Variants in RBFOX1 observed in about 807,000 individuals in gnomAD.
RBFOX1 encodes the protein RNA binding fox-1 homolog 1, also known as RNA binding protein fox-1 homolog 1.
Under a neutral mutation model 57.7 loss-of-function variants are expected in RBFOX1, and 8 were observed. The observed-to-expected ratio is 0.14, with a 90% confidence interval of 0.08 to 0.25. RBFOX1 has a LOEUF of 0.25. RBFOX1 is among the 10% of genes least tolerant of loss of function. The pLI is 1.00. For missense variants in RBFOX1, 611 were observed against 548.5 expected (o/e 1.11, Z -1.14); for synonymous variants, 326 against 222.4 (o/e 1.47, Z -4.15).
intron 3 of RBFOX1, among the ~76,000 whole-genome samples, chr16:5,865,072 G>C (rs2057315449): frequency 6.6e-6 from 1 of 152,146 alleles, no homozygotes; most frequent in African/African-American, 2.4e-5. Flanking sequence ...ATGACACAAG[G>C]TTAGGAAACA....
intron 4 of RBFOX1, among the ~76,000 whole-genome samples, chr16:7,182,967 C>T (rs1444783131): frequency 1.3e-5 from 2 of 152,184 alleles, no homozygotes; most frequent in South Asian, 2.1e-4. Context: ...CACCTTCCCA[C>T]ACTGGAATCT....
chr16:6,785,947 A>T lies in RBFOX1; in HGVS notation c.-16+131297A>T, dbSNP rs1178676235. Reference sequence around the variant, plus strand: ...GAGGAACCTTGTGTACATGCATGTGACTTCCCAGGTGGCACTTACCAACAG... The same window carrying T: ...GAGGAACCTTGTGTACATGCATGTGTCTTCCCAGGTGGCACTTACCAACAG... On this transcript the variant is annotated intron_variant, in intron 3 of 15. Coordinates refer to ENST00000550418, the MANE Select transcript of RBFOX1 (RefSeq NM_018723.4). Among the ~76,000 whole-genome samples, 6 of 152,324 alleles carry T rather than the reference A, an allele frequency of 3.9e-5. No homozygotes were observed. The South Asian group carries it at 6.2e-4, about 16-fold the overall frequency.
chr16:7,396,833 C>G (rs1422939547), intron 4 of RBFOX1, among the ~76,000 whole-genome samples: 2 of 152,082 alleles, frequency 1.3e-5, no homozygotes, highest in African/African-American at 2.4e-5. Flanking sequence ...CCCAGCTACT[C>G]TGGAGGCTGA....
chr16:6,642,731 C>G (rs557177061), intron 2 of RBFOX1, among the ~76,000 whole-genome samples: 1 of 152,066 alleles, frequency 6.6e-6, no homozygotes, highest in South Asian at 2.1e-4. Context: ...GGTTGGGGAT[C>G]GTTTTGTAGT....
intron 4 of RBFOX1, among the ~76,000 whole-genome samples, chr16:7,352,432 C>G (rs1013951933): frequency 3.9e-5 from 6 of 152,164 alleles, no homozygotes; most frequent in Non-Finnish European, 8.8e-5. Flanking sequence ...GAATGCGTAG[C>G]TATTGCCTTA....
chr16:7,132,093 G>C (rs973910576), intron 4 of RBFOX1, among the ~76,000 whole-genome samples: 1 of 149,312 alleles, frequency 6.7e-6, no homozygotes, highest in South Asian at 2.2e-4. Context: ...CCGGGCTGAA[G>C]CAATTCTCCT....
In RBFOX1 at chr16:7,555,697, A is replaced by G. The variant is rs985073701; in HGVS notation, c.271-24080A>G. Among the ~76,000 whole-genome samples the G allele has an allele frequency of 3.3e-5, 5 of 152,026 alleles. No homozygotes were observed. The East Asian group carries it at 9.7e-4, about 29-fold the overall frequency. On this transcript the variant is annotated intron_variant, in intron 5 of 15. Transcript: ENST00000550418. Reference sequence around the variant, plus strand: ...CACTTTCTCACCGCAGGACCTTTGCACTGGCTGTGTCTGGGACTGGGCTAT... The same window carrying G: ...CACTTTCTCACCGCAGGACCTTTGCGCTGGCTGTGTCTGGGACTGGGCTAT...
intron 3 of RBFOX1, among the ~76,000 whole-genome samples, chr16:6,868,613 A>G (rs1393641746): frequency 1.3e-5 from 2 of 152,052 alleles, no homozygotes; most frequent in African/African-American, 4.8e-5. Context: ...CTGGGATTAT[A>G]GGCACACACC....
chr16:7,411,902 CAAAAAAA>C (rs60700135), intron 4 of RBFOX1, among the ~76,000 whole-genome samples: 12 of 95,410 alleles, frequency 1.3e-4, no homozygotes, highest in South Asian at 4.1e-4. Context: ...AAACTCCTTT[CAAAAAAA>C]AAAAAAAAAA....
chr16:6,773,002 A>ATGTGTGTGTGTGTGTG (rs138195500), intron 3 of RBFOX1, among the ~76,000 whole-genome samples: 1 of 73,678 alleles, frequency 1.4e-5, no homozygotes, highest in African/African-American at 4.4e-5. Flanking sequence ...TGGGGTGCAT[A>ATGTGTGTGTGTGTGTG]TGTGTGTGTG....
At chr16:7,064,130 G>A (rs964206048) in intron 4 of RBFOX1, among the ~76,000 whole-genome samples, 2 of 150,196 alleles carry the variant, frequency 1.3e-5, no homozygotes, top group South Asian at 4.2e-4. Flanking sequence ...GAGTCCATAA[G>A]CGTGGGCCCT....
chr16:5,359,687 G>A (rs1241371708), intron 1 of RBFOX1, among the ~76,000 whole-genome samples: 1 of 151,760 alleles, frequency 6.6e-6, no homozygotes, highest in Non-Finnish European at 1.5e-5. Flanking sequence ...TGAGTCGTTT[G>A]AGCTTCTTTG....
intron 2 of RBFOX1, among the ~76,000 whole-genome samples, chr16:6,530,749 TC>T (rs1469013156): frequency 4.9e-5 from 2 of 40,842 alleles, no homozygotes; most frequent in Non-Finnish European, 3.3e-4. Flanking sequence ...TTATAAACCG[TC>T]CCTTCCCCAC....
At chr16:5,517,656 G>C (rs1238778128) in intron 2 of RBFOX1, among the ~76,000 whole-genome samples, 1 of 152,116 alleles carries the variant, frequency 6.6e-6, no homozygotes, top group East Asian at 1.9e-4. Context: ...CAAATAGATT[G>C]GGCTTTCTAC....
intron 4 of RBFOX1, among the ~76,000 whole-genome samples, chr16:7,064,474 G>T (rs2055429523): frequency 6.6e-6 from 1 of 151,982 alleles, no homozygotes; most frequent in South Asian, 2.1e-4. Context: ...TGGCTGGGTG[G>T]TGTTCTTATA....
At chr16:5,793,490 G>A (rs890542966) in intron 3 of RBFOX1, among the ~76,000 whole-genome samples, 9 of 152,242 alleles carry the variant, frequency 5.9e-5, no homozygotes, top group Non-Finnish European at 1.3e-4. Flanking sequence ...AGCTGATGTG[G>A]CACTGGCCAG....
At chr16:6,868,474 G>A (rs922082408) in intron 3 of RBFOX1, among the ~76,000 whole-genome samples, 1 of 144,324 alleles carries the variant, frequency 6.9e-6, no homozygotes, top group Admixed American at 6.9e-5. Context: ...CATATTTATT[G>A]GTTTATGATT....
intron 3 of RBFOX1, among the ~76,000 whole-genome samples, chr16:6,799,754 C>T (rs1397014123): frequency 6.6e-6 from 1 of 152,090 alleles, no homozygotes; most frequent in Non-Finnish European, 1.5e-5. Flanking sequence ...CATCAGCCTC[C>T]AGGTTCTTTA....
chr16:7,144,673 T>A (rs1018832340), intron 4 of RBFOX1, among the ~76,000 whole-genome samples: 8 of 152,096 alleles, frequency 5.3e-5, no homozygotes, highest in Non-Finnish European at 1.0e-4. Context: ...CATTAAATGA[T>A]GGTTTTCACT....
Sources: allele counts gnomAD v4.1 joint callset (sites outside exome capture counted in the v4.1 genomes callset), GRCh38; gene constraint gnomAD v4.1.1; transcripts MANE v1.5; gene names NCBI Gene and HGNC (gene_info 2026-07-23, HGNC 2026-07-21).